The following TSPAN10 variants were observed in gnomAD, a reference collection of about 807,000 sequenced individuals.
TSPAN10 encodes the protein tetraspanin 10.
Under a neutral mutation model 15.0 loss-of-function variants are expected in TSPAN10, and 11 were observed. That is an observed-to-expected ratio of 0.73 (90% confidence interval 0.46 to 1.21). The LOEUF (loss-of-function observed/expected upper bound fraction) is 1.21. Ranked by LOEUF, TSPAN10 falls within the 50% of genes most tolerant of loss-of-function variation. The pLI is 0.00. For synonymous variants in TSPAN10, 241 were observed against 226.2 expected, an observed-to-expected ratio of 1.07 and a Z score of -0.59; for missense variants, 486 against 470.6, an observed-to-expected ratio of 1.03 and a Z score of -0.30.
upstream of TSPAN10, among the ~76,000 whole-genome samples, chr17:81,640,306 T>G (rs1315812812): frequency 2.6e-5 from 4 of 152,076 alleles, no homozygotes; most frequent in Admixed American, 6.6e-5. Context: ...CTTATACCTC[T>G]CTCCTTAGCT....
chr17:81,643,172 T>A (rs2036197950), intron 1 of TSPAN10, among the ~76,000 whole-genome samples: 1 of 150,114 alleles, frequency 6.7e-6, no homozygotes, highest in Non-Finnish European at 1.5e-5. Flanking sequence ...ACCCAGCTAA[T>A]TTTTTTTAGT....
chr17:81,646,695 AAG>A (rs2036259028), intron 2 of TSPAN10: 1 of 151,212 alleles, frequency 6.6e-6, no homozygotes, highest in Non-Finnish European at 1.5e-5. Flanking sequence ...AAAAAAAGAA[AAG>A]AAAATGACTT....
At chr17:81,645,879 C>T in intron 2 of TSPAN10, 1 of 610,558 alleles carries the variant, frequency 1.6e-6, no homozygotes, top group Non-Finnish European at 2.9e-6. Flanking sequence ...ACACACAAAA[C>T]AGCCTCACAC....
intron 1 of TSPAN10, among the ~76,000 whole-genome samples, chr17:81,643,487 TG>T (rs2036201460): frequency 1.2e-5 from 1 of 81,032 alleles, no homozygotes; most frequent in Non-Finnish European, 2.1e-5. Flanking sequence ...GGCGGGCGCC[TG>T]TAGTCCCAGC....
At chr17:81,641,264 A>G (rs1426938991), upstream of TSPAN10, among the ~76,000 whole-genome samples, 1 of 152,198 alleles carries the variant, frequency 6.6e-6, no homozygotes, top group Non-Finnish European at 1.5e-5. Context: ...TGCAGGGCCC[A>G]TGAGGTTGGG....
At chr17:81,638,792 A>G (rs2144369805), upstream of TSPAN10, 2 of 152,258 alleles carry the variant, frequency 1.3e-5, 1 homozygote, top group Admixed American at 1.3e-4. Context: ...TGGAGTGCAG[A>G]GTCTGCAAAA....
upstream of TSPAN10, among the ~76,000 whole-genome samples, chr17:81,641,478 A>G (rs2036176722): frequency 6.7e-6 from 1 of 149,456 alleles, no homozygotes; most frequent in South Asian, 2.1e-4. Flanking sequence ...CTTGCCCCAC[A>G]CAGCCAGGTG....
At chr17:81,638,734 C>A (rs1482246333), upstream of TSPAN10, 1 of 151,924 alleles carries the variant, frequency 6.6e-6, no homozygotes, top group African/African-American at 2.4e-5. Flanking sequence ...GGGTGGGGGC[C>A]ACAAGATATG....
chr17:81,645,742 C>T (rs1320259623), intron 2 of TSPAN10, 113 bp downstream of exon 3: 3 of 1,313,210 alleles, frequency 2.3e-6, no homozygotes, highest in South Asian at 1.3e-5. Flanking sequence ...TGCATGCCCA[C>T]ATGCATGCAC....
chr17:81,640,544 G>A (rs949870578), upstream of TSPAN10, among the ~76,000 whole-genome samples: 8 of 152,078 alleles, frequency 5.3e-5, no homozygotes, highest in African/African-American at 1.7e-4. Context: ...TGCCTCCTGG[G>A]TCCCAGCAAT....
At chr17:81,639,205 CTTTTTTTTTTTTT>C (rs1184054370), upstream of TSPAN10, 2 of 110,434 alleles carry the variant, frequency 1.8e-5, no homozygotes, top group African/African-American at 6.6e-5. Flanking sequence ...AATTACTTTT[CTTTTTTTTTTTTT>C]TTTTTTTTGA....
upstream of TSPAN10, chr17:81,642,157 G>C (rs973617028): frequency 2.0e-6 from 1 of 493,232 alleles, no homozygotes; most frequent in Admixed American, 3.6e-5. Flanking sequence ...GGGACCCACA[G>C]AGCCAGGGCT....
chr17:81,645,841 CTA>C, intron 2 of TSPAN10: 1 of 661,318 alleles, frequency 1.5e-6, no homozygotes, highest in Non-Finnish European at 2.6e-6. Context: ...ACACACTCCT[CTA>C]CACTGACATG....
chr17:81,645,321 G>A lies in TSPAN10; in HGVS notation c.366G>A (p.Leu122=), dbSNP rs778591585. ...GGCCCCTGCCCGCAGACCCCATGCT[G>A]GGGCTGGCACTGGGAGGGCTGGTGG... Residue 122 remains leucine (L), a synonymous_variant, in exon 2 of 3, where the codon CTG becomes CTA. Coordinates refer to ENST00000611590, the Ensembl canonical transcript of TSPAN10. The A allele has an allele frequency of 1.2e-5, 19 of 1,554,630 alleles. No homozygotes were observed. The African/African-American group carries it at 2.5e-4, about 20-fold the overall frequency.
In TSPAN10 at chr17:81,648,167, G is replaced by C. The variant is rs1037648066; in HGVS notation, c.941G>C (p.Arg314Pro). Residue 314 changes from arginine to proline, a missense_variant, in exon 3 of 3, where the codon CGG becomes CCG. Coordinates refer to ENST00000611590, the Ensembl canonical transcript of TSPAN10. Reference sequence around the variant, plus strand: ...GGCGCGGAGCTCCTGCTGGCCGCCCGGCTACTCGGGGCCCTCGCTGCCCGC... The same window carrying C: ...GGCGCGGAGCTCCTGCTGGCCGCCCCGCTACTCGGGGCCCTCGCTGCCCGC... 2.2e-5 allele frequency: 32 copies of C among 1,448,162 alleles called. No individual in the cohort carries two copies. In the African/African-American group the frequency reaches 4.7e-4, roughly 21 times the overall value. 89.7% of individuals were successfully genotyped at this position (1,448,162 alleles called of 1,614,324 possible).
chr17:81,641,542 G>A (rs993419884), upstream of TSPAN10, among the ~76,000 whole-genome samples: 3 of 151,856 alleles, frequency 2.0e-5, no homozygotes, highest in Non-Finnish European at 2.9e-5. Context: ...TCTCACGCGC[G>A]CCTGAAACCC....
chr17:81,645,078 G>A (rs918248093), exon 2 of TSPAN10: 4 of 1,592,380 alleles, frequency 2.5e-6, no homozygotes, highest in Admixed American at 1.9e-5. Flanking sequence ...ACCAGGCGGA[G>A]GCCTGGGGCT....
chr17:81,645,423 C>A, exon 2 of TSPAN10: 1 of 1,602,964 alleles, frequency 6.2e-7, no homozygotes, highest in African/African-American at 1.3e-5. Context: ...TCTCTGGGGG[C>A]ATCCTTGCCT....
chr17:81,638,763 G>A (rs1315832873), upstream of TSPAN10: 1 of 152,180 alleles, frequency 6.6e-6, no homozygotes, highest in African/African-American at 2.4e-5. Flanking sequence ...TATCAATCTG[G>A]GTGGTGCCAG....
Sources: allele counts gnomAD v4.1 joint callset (sites outside exome capture counted in the v4.1 genomes callset), GRCh38; gene constraint gnomAD v4.1.1; transcripts MANE v1.5; gene names NCBI Gene and HGNC (gene_info 2026-07-23, HGNC 2026-07-21).